The following ABCB11 variants were observed in gnomAD, a reference collection of about 807,000 sequenced individuals.
The protein encoded by ABCB11 is bile salt export pump.
A neutral mutation model predicts 148.0 loss-of-function variants in ABCB11; 95 were observed. The ratio of observed to expected loss-of-function variants is 0.64; its 90% CI spans 0.54 to 0.76. The LOEUF (loss-of-function observed/expected upper bound fraction) is 0.76. Among genes scored for constraint, ABCB11 ranks in the 30% least tolerant of loss-of-function variants. ABCB11 has a pLI of 0.00. For synonymous variants in ABCB11, 591 were observed against 555.4 expected (o/e 1.06, Z -0.90); for missense variants, 1,523 against 1,617.8 (o/e 0.94, Z 1.01).
rs1322771504 is a variant in ABCB11, at chr2:168,986,210, A to G, written c.983T>C (p.Phe328Ser). The G allele has an allele frequency of 6.2e-7, 1 of 1,613,418 alleles. No homozygotes were observed. The highest frequency in any genetic ancestry group is 1.3e-5 in the African/African-American group (1 of 75,010). ...ACACAAAAAGATGAGACACCACACGAATCCAGTAAAGAATCCCATCACTAT... is the reference window on the plus strand; with the variant it reads ...ACACAAAAAGATGAGACACCACACGGATCCAGTAAAGAATCCCATCACTAT... ...KGIVMGFFTG[F>S]VWCLIFLCYA... The change falls in exon 10 of 28, where the codon TTC (phenylalanine) becomes TCC (serine). Residue 328 changes from phenylalanine (F) to serine (S), a missense_variant. Coordinates refer to ENST00000650372, the MANE Select transcript of ABCB11 (RefSeq NM_003742.4).
chr2:169,017,813 G>A (rs1040727074), intron 2 of ABCB11: 3 of 657,616 alleles, frequency 4.6e-6, no homozygotes, highest in Non-Finnish European at 8.4e-6. Flanking sequence ...TAGGAAAGGT[G>A]TTGGTGAGAG....
Position 169,029,310 on chromosome 2 carries a change from C to T in ABCB11, c.-28+1915G>A, listed in dbSNP as rs1444139294. Among the ~76,000 whole-genome samples the T allele has an allele frequency of 4.0e-5, 6 of 151,026 alleles. No homozygotes were observed. In the East Asian group the frequency reaches 1.2e-3, roughly 29 times the overall value. ...TTTAAAGCCCTTAAAACGTCTTTCA[C>T]TGCTGACATTTAAAAATGTAGGTAG... On this transcript the variant is annotated intron_variant, in intron 1 of 27. Coordinates refer to ENST00000650372, the MANE Select transcript of ABCB11 (RefSeq NM_003742.4).
chr2:168,957,698 T>C (rs1692859232), intron 19 of ABCB11, among the ~76,000 whole-genome samples: 1 of 151,622 alleles, frequency 6.6e-6, no homozygotes, highest in Non-Finnish European at 1.5e-5. Flanking sequence ...ATTGCCCACT[T>C]CTAACACAAA....
intron 21 of ABCB11, among the ~76,000 whole-genome samples, chr2:168,941,160 A>G (rs1692045579): frequency 6.6e-6 from 1 of 151,998 alleles, no homozygotes; most frequent in South Asian, 2.1e-4. Context: ...GTAACATTTT[A>G]CAAGGCTACA....
At chr2:168,918,026 C>T (rs149684996), downstream of ABCB11, among the ~76,000 whole-genome samples, 496 of 146,908 alleles carry the variant, frequency 3.4e-3, 3 homozygotes, top group African/African-American at 0.011. Flanking sequence ...GCATAAATTT[C>T]ACCTGTTTTT....
At chr2:168,925,905 A>G (rs551510839) in intron 26 of ABCB11, among the ~76,000 whole-genome samples, 1 of 152,334 alleles carries the variant, frequency 6.6e-6, no homozygotes, top group African/African-American at 2.4e-5. Context: ...TGAATCTTCC[A>G]GGAGACACAC....
chr2:168,924,689 C>T lies in ABCB11; in HGVS notation c.3733G>A (p.Ala1245Thr). The change falls in exon 27 of 28, where the codon GCC becomes ACC. Residue 1245 changes from alanine (A) to threonine (T), a missense_variant. Physicochemically the swap from Ala to Thr is moderately conservative, Grantham distance 58. Coordinates refer to ENST00000650372, the MANE Select transcript of ABCB11 (RefSeq NM_003742.4). ...RDPKILLLDE[A>T]TSALDTESEK... ...CTTTCTGTGTCTAAGGCAGAAGTGG[C>T]TTCATCTAGTAGCAAGATTTTAGGA... is the stretch of plus-strand genomic sequence containing the variant. The T allele has an allele frequency of 6.2e-7, 1 of 1,613,742 alleles. No individual in the cohort carries two copies. Among genetic ancestry groups the T allele is most frequent in the Non-Finnish European group, 8.5e-7 (1 of 1,179,824 alleles).
At chr2:168,966,751 G>A (rs1693337357) in intron 17 of ABCB11, among the ~76,000 whole-genome samples, 1 of 151,770 alleles carries the variant, frequency 6.6e-6, no homozygotes, top group Middle Eastern at 3.2e-3. Context: ...ATCTTTTAAC[G>A]ACAACAAGAA....
intron 11 of ABCB11, among the ~76,000 whole-genome samples, chr2:168,979,428 C>T (rs1442552163): frequency 6.6e-6 from 1 of 152,090 alleles, no homozygotes; most frequent in Non-Finnish European, 1.5e-5. Context: ...TCACATTGCC[C>T]TATTTTATTT....
intron 5 of ABCB11, among the ~76,000 whole-genome samples, chr2:169,006,365 C>T (rs1175942169): frequency 6.6e-6 from 1 of 152,090 alleles, no homozygotes; most frequent in Non-Finnish European, 1.5e-5. Context: ...GAACACTCTA[C>T]AAACTAGGAT....
intron 9 of ABCB11, among the ~76,000 whole-genome samples, chr2:168,986,805 A>T (rs1166698664): frequency 6.6e-6 from 1 of 152,136 alleles, no homozygotes; most frequent in African/African-American, 2.4e-5. Flanking sequence ...GCCATGAGAC[A>T]TGGATAACTG....
chr2:168,929,772 A>G (rs1161032216), intron 25 of ABCB11, among the ~76,000 whole-genome samples: 2 of 152,244 alleles, frequency 1.3e-5, no homozygotes, highest in Non-Finnish European at 2.9e-5. Flanking sequence ...ATTTATAAAT[A>G]GAAGGCCTAA....
At chr2:169,000,987 G>T (rs1348917588) in intron 5 of ABCB11, among the ~76,000 whole-genome samples, 1 of 151,902 alleles carries the variant, frequency 6.6e-6, no homozygotes, top group Non-Finnish European at 1.5e-5. Context: ...GTCTCTCTTT[G>T]TATAGCTTTT....
chr2:168,999,139 T>G (rs750080525), intron 5 of ABCB11, among the ~76,000 whole-genome samples: 4 of 151,884 alleles, frequency 2.6e-5, no homozygotes, highest in Non-Finnish European at 5.9e-5. Flanking sequence ...GAATTAAGAT[T>G]CCCCATTTGT....
chr2:168,919,913 C>T (rs1235732566), downstream of ABCB11, among the ~76,000 whole-genome samples: 3 of 151,844 alleles, frequency 2.0e-5, no homozygotes, highest in African/African-American at 4.8e-5. Context: ...TGCTCTGTTG[C>T]CCAGGCTGGA....
At position 168,990,977 on chromosome 2, in the gene ABCB11, G is replaced by A. The variant is rs894961342; in HGVS notation, c.784-52C>T. 2.4e-5 allele frequency: 38 copies of A among 1,583,428 alleles called. No individual in the cohort carries two copies. The Admixed American group carries it at 6.3e-4, about 26-fold the overall frequency. On this transcript the variant is annotated intron_variant, in intron 8 of 27. Transcript: ENST00000650372. ...ATGTGAAGTCCAAGAAATTAGGTAAGTCAGTCTGTCATTCAGATTCATTTA... is the reference window on the plus strand; with the variant it reads ...ATGTGAAGTCCAAGAAATTAGGTAAATCAGTCTGTCATTCAGATTCATTTA...
chr2:168,973,604 T>TGTC, intron 13 of ABCB11, 111 bp downstream of exon 13: 1 of 1,311,422 alleles, frequency 7.6e-7, no homozygotes, highest in Non-Finnish European at 1.0e-6. Flanking sequence ...TTAAGTTAAC[T>TGTC]ATGCATGCCA....
chr2:168,996,259 C>G (rs1387607251), intron 6 of ABCB11, among the ~76,000 whole-genome samples: 1 of 151,910 alleles, frequency 6.6e-6, no homozygotes, highest in Non-Finnish European at 1.5e-5. Context: ...TTTAGCAATG[C>G]GAGAAAAAGA....
intron 9 of ABCB11, among the ~76,000 whole-genome samples, chr2:168,988,867 A>G (rs1694418920): frequency 6.6e-6 from 1 of 152,016 alleles, no homozygotes; most frequent in African/African-American, 2.4e-5. Flanking sequence ...ATGATTAGTG[A>G]TGTGTGACAT....
Sources: allele counts gnomAD v4.1 joint callset (sites outside exome capture counted in the v4.1 genomes callset), GRCh38; gene constraint gnomAD v4.1.1; transcripts MANE v1.5; gene names NCBI Gene and HGNC (gene_info 2026-07-23, HGNC 2026-07-21).